The following KCNH1 variants were observed in gnomAD, a reference collection of about 807,000 sequenced individuals.
KCNH1 encodes the protein potassium voltage-gated channel subfamily H member 1, also known as voltage-gated delayed rectifier potassium channel KCNH1.
Under a neutral mutation model 69.2 loss-of-function variants are expected in KCNH1, and 27 were observed. The observed-to-expected ratio is 0.39, with a 90% CI of 0.29 to 0.54. KCNH1 has a LOEUF of 0.54. Among genes scored for constraint, KCNH1 ranks in the 20% least tolerant of loss-of-function variants. The probability of loss-of-function intolerance (pLI) is 0.68; values close to 1 mark genes in which losing one functional copy is unlikely to be tolerated. For synonymous variants in KCNH1, 456 were observed against 487.7 expected (o/e 0.93, Z 0.86); for missense variants, 798 against 1,261.6 (o/e 0.63, Z 5.57).
At chr1:210,715,524 A>C (rs947012558) in intron 10 of KCNH1, among the ~76,000 whole-genome samples, 4 of 152,040 alleles carry the variant, frequency 2.6e-5, no homozygotes, top group African/African-American at 9.7e-5. Flanking sequence ...AAACAAAAAA[A>C]AAAAAAACGT....
intron 6 of KCNH1, among the ~76,000 whole-genome samples, chr1:210,961,127 T>A (rs1246298833): frequency 6.6e-6 from 1 of 152,216 alleles, no homozygotes; most frequent in East Asian, 1.9e-4. Context: ...CATCTTCATA[T>A]CTGCTTTGAT....
intron 5 of KCNH1, among the ~76,000 whole-genome samples, chr1:211,038,316 C>G (rs1274343769): frequency 6.6e-6 from 1 of 152,108 alleles, no homozygotes; most frequent in South Asian, 2.1e-4. Flanking sequence ...TCTGAGGCCT[C>G]CCCAGCTATG....
intron 9 of KCNH1, among the ~76,000 whole-genome samples, chr1:210,785,471 C>T (rs547476118): frequency 6.6e-5 from 10 of 151,594 alleles, no homozygotes; most frequent in Admixed American, 2.0e-4. Context: ...CTTGGCTCAC[C>T]GCAACCTCCG....
At chr1:211,036,634 T>C (rs1169389159) in intron 5 of KCNH1, among the ~76,000 whole-genome samples, 1 of 152,222 alleles carries the variant, frequency 6.6e-6, no homozygotes, top group East Asian at 1.9e-4. Flanking sequence ...TGCCCTATGT[T>C]AGACGCTCAA....
chr1:210,998,497 C>T (rs1018712009), intron 6 of KCNH1, among the ~76,000 whole-genome samples: 6 of 152,134 alleles, frequency 3.9e-5, no homozygotes, highest in African/African-American at 1.4e-4. Flanking sequence ...CACAGGAGCA[C>T]CCAGATTCAT....
At chr1:210,998,780 A>G (rs1026082861) in intron 6 of KCNH1, among the ~76,000 whole-genome samples, 15 of 152,222 alleles carry the variant, frequency 9.9e-5, no homozygotes, top group Non-Finnish European at 1.8e-4. Flanking sequence ...CTCCTCAGCA[A>G]ATGTAAAAGA....
chr1:211,101,270 T>C (rs965230228), intron 3 of KCNH1, among the ~76,000 whole-genome samples: 2 of 152,028 alleles, frequency 1.3e-5, no homozygotes, highest in African/African-American at 4.8e-5. Context: ...CTGTTTGCCA[T>C]AGGGTAGTGG....
At chr1:211,083,116 G>A (rs997669284) in intron 4 of KCNH1, among the ~76,000 whole-genome samples, 11 of 152,318 alleles carry the variant, frequency 7.2e-5, no homozygotes, top group East Asian at 5.8e-4. Flanking sequence ...CATCCTAATC[G>A]TAGTTTGTGA....
Position 210,683,305 on chromosome 1 carries a change from C to T in KCNH1, c.2946G>A (p.Glu982=). ...CTCAGCTGGCTCCAAAAATGTCTCT[C>T]TCTGATTCTGGGGACTGTGGCCTCG... ...EISRPQSPES[E]RDIFGAS The change falls in exon 11 of 11, where the codon GAG becomes GAA. Residue 982 remains glutamate, a synonymous_variant. Transcript: ENST00000271751. The surrounding 1 kb of genome is among the most constrained non-coding windows in gnomAD (Gnocchi z 5.7). 1.2e-6 allele frequency: 2 copies of T among 1,613,784 alleles called. No individual in the cohort carries two copies. Among genetic ancestry groups the T allele is most frequent in the Non-Finnish European group, 1.7e-6 (2 of 1,179,852 alleles).
chr1:210,719,483 G>A (rs1453244930), intron 10 of KCNH1, among the ~76,000 whole-genome samples: 1 of 152,146 alleles, frequency 6.6e-6, no homozygotes, highest in African/African-American at 2.4e-5. Flanking sequence ...CTCATAAGTG[G>A]GAGTTGAACA....
intron 6 of KCNH1, among the ~76,000 whole-genome samples, chr1:210,962,891 TTG>T (rs1558543167): frequency 6.7e-6 from 1 of 149,860 alleles, no homozygotes; most frequent in Non-Finnish European, 1.5e-5. Context: ...GCAGTCTTAT[TTG>T]TGTTTCTCTG....
At chr1:210,915,125 C>T (rs1170237909) in intron 7 of KCNH1, among the ~76,000 whole-genome samples, 2 of 152,170 alleles carry the variant, frequency 1.3e-5, no homozygotes, top group African/African-American at 4.8e-5. Flanking sequence ...AAGGACTCTT[C>T]CCCTGACAAT....
At chr1:210,692,931 C>CT (rs1681556140) in intron 10 of KCNH1, among the ~76,000 whole-genome samples, 1 of 152,200 alleles carries the variant, frequency 6.6e-6, no homozygotes, top group Non-Finnish European at 1.5e-5. Flanking sequence ...AGCCCTCAAA[C>CT]TAGAGCACAA....
chr1:211,083,194 TGAGA>T (rs1229921766), intron 4 of KCNH1, among the ~76,000 whole-genome samples: 1 of 152,230 alleles, frequency 6.6e-6, no homozygotes, highest in Non-Finnish European at 1.5e-5. Flanking sequence ...GCCTGGACAA[TGAGA>T]AAGAGTCTAG....
intron 7 of KCNH1, among the ~76,000 whole-genome samples, chr1:210,918,414 C>T (rs559662332): frequency 4.6e-5 from 7 of 152,320 alleles, no homozygotes; most frequent in African/African-American, 1.4e-4. Flanking sequence ...CATTGAAGTG[C>T]CCACAGCATG....
chr1:211,069,427 T>C (rs1290195862), intron 5 of KCNH1, among the ~76,000 whole-genome samples: 1 of 151,952 alleles, frequency 6.6e-6, no homozygotes, highest in African/African-American at 2.4e-5. Context: ...CAGACCCAGG[T>C]ATGGCAGGGA....
chr1:211,113,483 A>T (rs537052205), intron 1 of KCNH1, among the ~76,000 whole-genome samples: 1 of 152,312 alleles, frequency 6.6e-6, no homozygotes, highest in Admixed American at 6.5e-5. Flanking sequence ...TTCCTTGAAG[A>T]CTACCATCTT....
rs1218844364 is a variant in KCNH1 at position 210,683,993 on chromosome 1, G to A, written c.2258C>T (p.Ala753Val). Residue 753 changes from alanine (A) to valine (V), a missense_variant, in exon 11 of 11, where the codon GCA becomes GTA. Coordinates refer to ENST00000271751, the MANE Select transcript of KCNH1 (RefSeq NM_172362.3). This position sits in a 1 kb window ranked among gnomAD's most constrained non-coding sequence, Gnocchi z 5.7. ...RFRQQKEARL[A>V]AERGGRDLDD... ...CAGGTCCCGGCCCCCTCTCTCAGCTGCCAGCCTGGCCTCTTTCTGCTGTCG... is the reference window on the plus strand; with the variant it reads ...CAGGTCCCGGCCCCCTCTCTCAGCTACCAGCCTGGCCTCTTTCTGCTGTCG... The A allele has an allele frequency of 6.3e-7, 1 of 1,598,244 alleles. No individual in the cohort carries two copies. The highest frequency in any genetic ancestry group is 8.6e-7 in the Non-Finnish European group (1 of 1,168,410).
At chr1:211,007,378 G>A (rs1018725199) in intron 6 of KCNH1, among the ~76,000 whole-genome samples, 35 of 152,138 alleles carry the variant, frequency 2.3e-4, no homozygotes, top group African/African-American at 7.7e-4. Context: ...AGAGCTTCAC[G>A]AACAACAAGC....
Sources: gnomAD v4.1 joint callset for allele counts (sites outside exome capture counted in the v4.1 genomes callset) on GRCh38, gnomAD v4.1.1 for gene constraint, Gnocchi (gnomAD v3.1) non-coding constraint, MANE v1.5 for transcripts, NCBI Gene and HGNC (gene_info 2026-07-23, HGNC 2026-07-21) for gene names.